The following FAM135B variants were observed in gnomAD, a reference collection of about 807,000 sequenced individuals.
FAM135B encodes the protein protein FAM135B.
Under a neutral mutation model 127.7 loss-of-function variants are expected in FAM135B, and 43 were observed. The ratio of observed to expected loss-of-function variants is 0.34; its 90% CI spans 0.26 to 0.43. FAM135B has a LOEUF of 0.43. Ranked by LOEUF, FAM135B falls within the 20% of genes least tolerant of loss-of-function variation. The pLI, the probability that FAM135B is intolerant of heterozygous loss-of-function variation, is 1.00. For synonymous variants in FAM135B, 670 were observed against 665.1 expected (o/e 1.01, Z -0.11); for missense variants, 1,558 against 1,725.6 (o/e 0.90, Z 1.72).
intron 5 of FAM135B, among the ~76,000 whole-genome samples, chr8:138,253,030 A>C (rs2130508906): frequency 6.6e-6 from 1 of 152,134 alleles, no homozygotes; most frequent in African/African-American, 2.4e-5. Context: ...CGAATTCCTA[A>C]CCTCAAGTGA....
At chr8:138,304,437 T>C (rs1826092665) in intron 3 of FAM135B, among the ~76,000 whole-genome samples, 1 of 152,246 alleles carries the variant, frequency 6.6e-6, no homozygotes, top group Non-Finnish European at 1.5e-5. Flanking sequence ...GGCTACGTGC[T>C]GCATGCCTAT....
rs184849971 is a variant in FAM135B, at chr8:138,260,337, T to C, written c.298-3578A>G. On this transcript the variant is annotated intron_variant, in intron 4 of 19. Coordinates refer to ENST00000395297, the MANE Select transcript of FAM135B (RefSeq NM_015912.4). ...AAGCCGCTGGGCCCCTCAGCTGGAC[T>C]GGCAGAGCAGAATATCTGTGTCAGT... Among the ~76,000 whole-genome samples, 298 of 152,320 alleles carry C rather than the reference T, an allele frequency of 2.0e-3. 1 individual carries two copies. The highest frequency in any genetic ancestry group is 3.4e-3 in the Middle Eastern group (1 of 294).
chr8:138,456,461 T>C (rs879807455), intron 1 of FAM135B, among the ~76,000 whole-genome samples: 5 of 152,190 alleles, frequency 3.3e-5, no homozygotes, highest in African/African-American at 7.2e-5. Flanking sequence ...GGACAGGGTC[T>C]TAGCTTCTGT....
At chr8:138,298,257 G>A (rs1384309525) in intron 3 of FAM135B, among the ~76,000 whole-genome samples, 5 of 152,038 alleles carry the variant, frequency 3.3e-5, no homozygotes, top group Non-Finnish European at 5.9e-5. Context: ...AGATGCAGAC[G>A]AAAAATAACT....
intron 9 of FAM135B, among the ~76,000 whole-genome samples, chr8:138,193,565 T>C (rs758971671): frequency 6.6e-6 from 1 of 152,202 alleles, no homozygotes; most frequent in Non-Finnish European, 1.5e-5. Flanking sequence ...TTGTTTCAAT[T>C]GCTAAAACTA....
chr8:138,153,896 T>C (rs1241255580), intron 12 of FAM135B, among the ~76,000 whole-genome samples: 8 of 152,140 alleles, frequency 5.3e-5, no homozygotes, highest in Non-Finnish European at 1.2e-4. Flanking sequence ...CAGAAACTTC[T>C]GCAGACTAAA....
chr8:138,462,070 T>C (rs1478510209), intron 1 of FAM135B, among the ~76,000 whole-genome samples: 1 of 151,988 alleles, frequency 6.6e-6, no homozygotes, highest in African/African-American at 2.4e-5. Flanking sequence ...ATAATGATGA[T>C]GATAAATCCA....
At chr8:138,304,003 C>T (rs981035702) in intron 3 of FAM135B, among the ~76,000 whole-genome samples, 10 of 152,298 alleles carry the variant, frequency 6.6e-5, no homozygotes, top group South Asian at 4.1e-4. Flanking sequence ...GACACAGATG[C>T]TAAGGCAGCA....
intron 8 of FAM135B, among the ~76,000 whole-genome samples, chr8:138,195,821 C>A (rs780450969): frequency 1.2e-4 from 18 of 152,152 alleles, no homozygotes; most frequent in Non-Finnish European, 2.4e-4. Context: ...AACCAGGTGG[C>A]CTCTGGCTAT....
chr8:138,424,317 G>C (rs893829196), intron 1 of FAM135B, among the ~76,000 whole-genome samples: 3 of 152,144 alleles, frequency 2.0e-5, no homozygotes, highest in Non-Finnish European at 4.4e-5. Context: ...GTATTAATTT[G>C]GGGAACTAAT....
At chr8:138,419,162 T>G (rs1390956551) in intron 1 of FAM135B, among the ~76,000 whole-genome samples, 1 of 152,048 alleles carries the variant, frequency 6.6e-6, no homozygotes, top group Admixed American at 6.6e-5. Context: ...TGGAGAAAGA[T>G]CTATCAAGCA....
chr8:138,447,367 G>A (rs1836235916), intron 1 of FAM135B, among the ~76,000 whole-genome samples: 1 of 151,950 alleles, frequency 6.6e-6, no homozygotes, highest in African/African-American at 2.4e-5. Context: ...TATGTTTATT[G>A]CGGCACTATT....
At chr8:138,156,582 C>A (rs1172383241) in intron 12 of FAM135B, among the ~76,000 whole-genome samples, 2 of 151,980 alleles carry the variant, frequency 1.3e-5, no homozygotes, top group Non-Finnish European at 2.9e-5. Flanking sequence ...AGAGAAGAAT[C>A]AAATAGACAC....
intron 12 of FAM135B, among the ~76,000 whole-genome samples, chr8:138,162,541 T>C (rs529997521): frequency 4.6e-5 from 7 of 152,348 alleles, no homozygotes; most frequent in African/African-American, 1.7e-4. Context: ...AGGCTATGCA[T>C]GTGAGGGCAC....
At chr8:138,416,026 G>T (rs527934907) in intron 1 of FAM135B, among the ~76,000 whole-genome samples, 1 of 152,180 alleles carries the variant, frequency 6.6e-6, no homozygotes, top group Admixed American at 6.5e-5. Flanking sequence ...TTCCCTTGGA[G>T]CATTCATGCC....
chr8:138,402,998 G>A (rs1378204342), intron 1 of FAM135B, among the ~76,000 whole-genome samples: 2 of 152,074 alleles, frequency 1.3e-5, no homozygotes, highest in Non-Finnish European at 2.9e-5. Context: ...GCAAAAAGAC[G>A]GCCATCTGCA....
Position 138,243,190 on chromosome 8 carries a change from A to G in FAM135B, c.543-122T>C. ...GGGATAAGTCATTTAGGAGTAGTTC[A>G]CCCCCTAGGGAGTGTTTGCATGTGA... On this transcript the variant is annotated intron_variant, in intron 6 of 19. Coordinates refer to ENST00000395297, the MANE Select transcript of FAM135B (RefSeq NM_015912.4). This position sits in a 1 kb window ranked among gnomAD's most constrained non-coding sequence, Gnocchi z 7.5. 2.6e-6 allele frequency: 3 copies of G among 1,169,416 alleles called. No individual in the cohort carries two copies. The highest frequency in any genetic ancestry group is 3.5e-6 in the Non-Finnish European group (3 of 853,762). 72.4% of individuals were successfully genotyped at this position (1,169,416 alleles called of 1,614,324 possible).
intron 1 of FAM135B, among the ~76,000 whole-genome samples, chr8:138,446,775 C>G (rs1453288566): frequency 6.6e-6 from 1 of 151,778 alleles, no homozygotes; most frequent in African/African-American, 2.4e-5. Flanking sequence ...ACACCAAAAG[C>G]AATGGCAACA....
At chr8:138,299,557 G>A (rs950157369) in intron 3 of FAM135B, among the ~76,000 whole-genome samples, 7 of 148,300 alleles carry the variant, frequency 4.7e-5, no homozygotes, top group East Asian at 2.0e-4. Flanking sequence ...GTTGAGATAC[G>A]CATGCATGTA....
Sources: allele counts gnomAD v4.1 joint callset (sites outside exome capture counted in the v4.1 genomes callset), GRCh38; gene constraint gnomAD v4.1.1; non-coding constraint Gnocchi (gnomAD v3.1); transcripts MANE v1.5; gene names NCBI Gene and HGNC (gene_info 2026-07-23, HGNC 2026-07-21).